Variants in CRLF2 observed in about 807,000 individuals in gnomAD.
CRLF2 encodes cytokine receptor-like factor 2.
CRLF2 carries 41 observed loss-of-function variants against 38.7 expected under a neutral mutation model. That is an observed-to-expected ratio of 1.06 (90% CI 0.83 to 1.37). CRLF2 has a LOEUF of 1.37. CRLF2 is among the 40% of genes most tolerant of loss of function. The probability of loss-of-function intolerance (pLI) is 0.00; values close to 1 mark genes in which losing one functional copy is unlikely to be tolerated. For missense variants in CRLF2, 377 were observed against 322.2 expected (o/e 1.17, Z -1.30); for synonymous variants, 140 against 128.8 (o/e 1.09, Z -0.59).
intron 6 of CRLF2, among the ~76,000 whole-genome samples, chrX:1,196,349 G>A (rs180724060): frequency 0.011 from 1,622 of 151,550 alleles, 25 homozygotes; most frequent in African/African-American, 0.037. Context: ...CACCACACCC[G>A]GCTACTTTTT....
At chrX:1,203,529 G>GT (rs1278862306) in intron 3 of CRLF2, among the ~76,000 whole-genome samples, 4 of 151,826 alleles carry the variant, frequency 2.6e-5, no homozygotes, top group African/African-American at 9.7e-5. Context: ...TCATCCTGGA[G>GT]TAGGGTGTCC....
chrX:1,198,716 C>T lies in CRLF2; in HGVS notation c.492G>A (p.Gln164=), dbSNP rs1292358347. ...CTATGGTGACGTTGCAGGTATTTTC[C>T]TGTTTGGACTGGAGAAACATACACA... ...SPFDTEWQSK[Q]ENTCNVTIEG... Residue 164 remains glutamine, a synonymous_variant, in exon 5 of 8, where the codon CAG becomes CAA. Transcript: ENST00000400841. 1.3e-6 allele frequency: 2 copies of T among 1,569,312 alleles called. No homozygotes were observed. Among genetic ancestry groups the T allele is most frequent in the South Asian group, 2.2e-5 (2 of 89,968 alleles).
At chrX:1,197,032 C>A in intron 5 of CRLF2, 132 bp from the exon 6 acceptor site, 2 of 673,554 alleles carry the variant, frequency 3.0e-6, no homozygotes, top group Non-Finnish European at 2.3e-6. Context: ...TCTTGGTTCT[C>A]GTTGTTTGTT....
In CRLF2 at chrX:1,211,257, GTGGATGGA is replaced by G. The variant is rs772836935; in HGVS notation, c.79+1291_79+1298del. On this transcript the variant is annotated intron_variant, in intron 1 of 7. Transcript: ENST00000400841. The stretch of plus-strand genomic sequence containing the variant: ...GATGGGTGGGTGGGTGGATGGATGG[GTGGATGGA>G]TGGATGGATGGATGGATGGATGGAT... Among the ~76,000 whole-genome samples, 106 of 107,712 alleles carry G rather than the reference GTGGATGGA, an allele frequency of 9.8e-4. 1 individual carries two copies. Among genetic ancestry groups the G allele is most frequent in the Admixed American group, 4.5e-3 (50 of 11,002 alleles). The allele number at this position is 107,712 out of a possible 152,430, so 70.7% of individuals were successfully genotyped here. A position where few individuals can be genotyped will look rare whatever the true frequency, so the allele number is the denominator to read the frequency against.
At chrX:1,202,220 GAC>G (rs1200406911) in intron 4 of CRLF2, among the ~76,000 whole-genome samples, 180 bp downstream of exon 4, 7 of 152,098 alleles carry the variant, frequency 4.6e-5, no homozygotes, top group Non-Finnish European at 8.8e-5. Context: ...ACCCCTCAGA[GAC>G]ACAGAGAGAA....
At chrX:1,194,391 G>A (rs2086444354) in intron 6 of CRLF2, among the ~76,000 whole-genome samples, 1 of 152,124 alleles carries the variant, frequency 6.6e-6, no homozygotes, top group Admixed American at 6.6e-5. Context: ...GAGCCTGGGA[G>A]GTGGAGTTTG....
intron 2 of CRLF2, among the ~76,000 whole-genome samples, chrX:1,207,954 C>T (rs1346110959): frequency 2.0e-5 from 3 of 152,164 alleles, no homozygotes; most frequent in Admixed American, 6.6e-5. Flanking sequence ...TAAAATTTCC[C>T]TGTTCTGTAC....
chrX:1,205,991 G>A (rs1172236191), intron 3 of CRLF2, among the ~76,000 whole-genome samples: 2 of 151,824 alleles, frequency 1.3e-5, no homozygotes, highest in Non-Finnish European at 2.9e-5. Context: ...AAGTAGGCTG[G>A]GTTGCTTTTC....
intron 7 of CRLF2, among the ~76,000 whole-genome samples, chrX:1,192,590 C>T (rs1233254321): frequency 2.6e-5 from 4 of 151,180 alleles, no homozygotes; most frequent in African/African-American, 9.7e-5. Context: ...TTCTTTCTTC[C>T]TTCCTTTCTT....
At chrX:1,203,986 G>A (rs1421809471) in intron 3 of CRLF2, among the ~76,000 whole-genome samples, 1 of 151,210 alleles carries the variant, frequency 6.6e-6, no homozygotes, top group African/African-American at 2.4e-5. Flanking sequence ...TGGAAACAGG[G>A]TTTCCCTACA....
At chrX:1,204,607 G>A (rs1228382883) in intron 3 of CRLF2, among the ~76,000 whole-genome samples, 1 of 150,822 alleles carries the variant, frequency 6.6e-6, no homozygotes, top group African/African-American at 2.4e-5. Context: ...TGCAGCCTCC[G>A]CCTCCCGGGT....
chrX:1,208,468 G>T (rs1300268032), intron 2 of CRLF2, among the ~76,000 whole-genome samples: 1 of 151,970 alleles, frequency 6.6e-6, no homozygotes. Context: ...CTGAGGCAGG[G>T]GAATGGCTTG....
chrX:1,192,728 CT>C (rs2086411825), intron 7 of CRLF2, among the ~76,000 whole-genome samples: 1 of 77,502 alleles, frequency 1.3e-5, no homozygotes, highest in Admixed American at 1.3e-4. Flanking sequence ...TTCTTTCTTT[CT>C]TTCTTTCTTT....
At chrX:1,195,136 T>G (rs1467906846) in intron 6 of CRLF2, among the ~76,000 whole-genome samples, 2 of 151,998 alleles carry the variant, frequency 1.3e-5, no homozygotes, top group Non-Finnish European at 1.5e-5. Context: ...GAGGTTGCAG[T>G]GAGCCGAGAT....
chrX:1,200,961 T>C (rs2086595199), intron 4 of CRLF2, among the ~76,000 whole-genome samples: 1 of 151,992 alleles, frequency 6.6e-6, no homozygotes, highest in African/African-American at 2.4e-5. Context: ...TTCTTCATTA[T>C]GAGAATATTC....
chrX:1,208,160 CAG>C (rs1371967228), intron 2 of CRLF2, among the ~76,000 whole-genome samples: 1 of 152,134 alleles, frequency 6.6e-6, no homozygotes. Context: ...TGAAATGTTT[CAG>C]AGACTGAGTC....
intron 1 of CRLF2, among the ~76,000 whole-genome samples, chrX:1,211,397 ATGG>A: frequency 7.1e-6 from 1 of 140,274 alleles, no homozygotes; most frequent in Non-Finnish European, 1.5e-5. Flanking sequence ...GGATGGATGG[ATGG>A]ATAAGTGGAT....
rs1603400714 is a variant in CRLF2 at position 1,211,666 on chromosome X, A to G, written c.79+890T>C. Among the ~76,000 whole-genome samples the G allele has an allele frequency of 4.0e-5, 4 of 98,940 alleles. No individual in the cohort carries two copies. The South Asian group carries it at 1.5e-3, about 38-fold the overall frequency. The allele number at this position is 98,940 out of a possible 152,430, so 64.9% of individuals were successfully genotyped here. A position where few individuals can be genotyped will look rare whatever the true frequency, so the allele number is the denominator to read the frequency against. ...ATGGATGGATGGATAAGTGGATAAA[A>G]GTGTGGGTGAATGCATGGATGGATG... On this transcript the variant is annotated intron_variant, in intron 1 of 7. Transcript: ENST00000400841.
chrX:1,201,769 A>C (rs1466500298), intron 4 of CRLF2, among the ~76,000 whole-genome samples: 1 of 151,630 alleles, frequency 6.6e-6, no homozygotes, highest in African/African-American at 2.4e-5. Context: ...ATACATAGAT[A>C]AGATAGTAGA....
Sources: allele counts gnomAD v4.1 joint callset (sites outside exome capture counted in the v4.1 genomes callset), GRCh38; gene constraint gnomAD v4.1.1; transcripts MANE v1.5; gene names NCBI Gene and HGNC (gene_info 2026-07-23, HGNC 2026-07-21).